The following GRM5 variants were observed in gnomAD, a reference collection of about 807,000 sequenced individuals.
GRM5 encodes the protein glutamate metabotropic receptor 5.
Under a neutral mutation model 83.1 loss-of-function variants are expected in GRM5, and 19 were observed. The observed-to-expected ratio is 0.23, with a 90% CI of 0.16 to 0.34. The LOEUF is 0.34. Among genes scored for constraint, GRM5 ranks in the 10% least tolerant of loss-of-function variants. GRM5 has a pLI of 1.00. For missense variants in GRM5, 1,160 were observed against 1,588.3 expected (o/e 0.73, Z 4.58); for synonymous variants, 675 against 633.6 (o/e 1.07, Z -0.98).
At chr11:88,990,067 C>T (rs1052063494) in intron 2 of GRM5, among the ~76,000 whole-genome samples, 2 of 151,012 alleles carry the variant, frequency 1.3e-5, no homozygotes, top group African/African-American at 4.9e-5. Context: ...ATTAATGAAT[C>T]CAGGAGCTGG....
chr11:89,001,561 G>A (rs1293223777), intron 2 of GRM5, among the ~76,000 whole-genome samples: 1 of 152,116 alleles, frequency 6.6e-6, no homozygotes, highest in Admixed American at 6.6e-5. Flanking sequence ...AGTGGGTAGG[G>A]AAGTGAATGC....
intron 3 of GRM5, among the ~76,000 whole-genome samples, chr11:88,782,470 A>T (rs963973370): frequency 1.3e-4 from 20 of 152,136 alleles, no homozygotes; most frequent in African/African-American, 4.6e-4. Flanking sequence ...CATAGCAAAG[A>T]CCTGCCCTTG....
chr11:88,989,942 A>G (rs1267194711), intron 2 of GRM5, among the ~76,000 whole-genome samples: 1 of 151,716 alleles, frequency 6.6e-6, no homozygotes, highest in Non-Finnish European at 1.5e-5. Context: ...TAACATCACA[A>G]TTAAAAGAAC....
At chr11:88,815,831 T>C (rs2135502701) in intron 3 of GRM5, among the ~76,000 whole-genome samples, 1 of 152,236 alleles carries the variant, frequency 6.6e-6, no homozygotes, top group East Asian at 1.9e-4. Context: ...AACATTGAAA[T>C]CAAATTTCAA....
chr11:88,521,178 G>A (rs1023046094), intron 9 of GRM5, among the ~76,000 whole-genome samples: 1 of 152,146 alleles, frequency 6.6e-6, no homozygotes, highest in East Asian at 1.9e-4. Flanking sequence ...AGCTTTTTGG[G>A]AGGCCTAGGT....
chr11:88,699,616 G>A (rs1435538464), intron 3 of GRM5, among the ~76,000 whole-genome samples: 1 of 152,176 alleles, frequency 6.6e-6, no homozygotes, highest in Non-Finnish European at 1.5e-5. Context: ...ATATGTACAA[G>A]TATAAAAGCT....
At chr11:88,780,723 C>T (rs902626033) in intron 3 of GRM5, among the ~76,000 whole-genome samples, 11 of 152,022 alleles carry the variant, frequency 7.2e-5, no homozygotes, top group African/African-American at 2.7e-4. Flanking sequence ...ATGGGGGTCT[C>T]ACTATGTTGC....
intron 2 of GRM5, among the ~76,000 whole-genome samples, chr11:88,929,954 T>C (rs866420248): frequency 6.6e-6 from 1 of 152,170 alleles, no homozygotes; most frequent in Non-Finnish European, 1.5e-5. Flanking sequence ...TGGATCAGAC[T>C]GGTGTTTCAA....
intron 2 of GRM5, among the ~76,000 whole-genome samples, chr11:88,868,172 A>G (rs1278365556): frequency 2.0e-5 from 3 of 151,848 alleles, no homozygotes; most frequent in African/African-American, 7.2e-5. Context: ...CAGGATAGAC[A>G]CTCAACAAAA....
intron 3 of GRM5, among the ~76,000 whole-genome samples, chr11:88,828,294 G>A (rs1006251745): frequency 7.9e-5 from 12 of 152,102 alleles, no homozygotes; most frequent in East Asian, 3.9e-4. Flanking sequence ...AGATAAACTC[G>A]TATACTTTAG....
At chr11:88,908,511 G>T (rs1273305242) in intron 2 of GRM5, among the ~76,000 whole-genome samples, 1 of 151,930 alleles carries the variant, frequency 6.6e-6, no homozygotes, top group Non-Finnish European at 1.5e-5. Flanking sequence ...ACCCAGATTC[G>T]GTAACTATCT....
chr11:88,836,251 A>G (rs1268792832), intron 3 of GRM5, among the ~76,000 whole-genome samples: 6 of 152,234 alleles, frequency 3.9e-5, no homozygotes, highest in African/African-American at 1.2e-4. Context: ...CAATTCTGCT[A>G]TTATAGCCCC....
rs1221826201 is a variant in GRM5 at position 88,998,198 on chromosome 11, T to C, written c.661+49014A>G. On this transcript the variant is annotated intron_variant, in intron 2 of 9. Transcript: ENST00000305447. ...AAGTTTTTAACAAAATATTATTAGG[T>C]AGAATTCAGCAGTACATAAAAACGA... 1.2e-4 allele frequency among the ~76,000 whole-genome samples: 18 copies of C among 152,178 alleles called. No homozygotes were observed. The Middle Eastern group carries it at 0.014, about 115-fold the overall frequency.
intron 2 of GRM5, among the ~76,000 whole-genome samples, chr11:89,004,146 A>G (rs1940462806): frequency 6.6e-6 from 1 of 150,650 alleles, no homozygotes; most frequent in African/African-American, 2.5e-5. Flanking sequence ...TCGCAAATTA[A>G]TAGGTACTAA....
rs1189844919 is a variant in GRM5 at position 89,047,206 on chromosome 11, A to G, written c.661+6T>C. On this transcript the variant is annotated splice_donor_region_variant and intron_variant, in intron 2 of 9. Transcript: ENST00000305447. The surrounding 1 kb of genome is among the most constrained non-coding windows in gnomAD (Gnocchi z 5.1). ...TATATACTCGATGTATGCAAAGGAA[A>G]CTTACCTTCTGTGTGCACGGCTGAT... is the stretch of plus-strand genomic sequence containing the variant. 6.3e-7 allele frequency: 1 copy of G among 1,594,874 alleles called. No individual in the cohort carries two copies.
intron 2 of GRM5, among the ~76,000 whole-genome samples, chr11:88,928,052 G>A (rs1945818943): frequency 6.6e-6 from 1 of 152,036 alleles, no homozygotes; most frequent in Non-Finnish European, 1.5e-5. Flanking sequence ...AGGGGCTCAT[G>A]AGTAGACCCT....
rs1254340177 is a variant in GRM5 at position 88,776,016 on chromosome 11, ATCTG to A, written c.911+73886_911+73889del. On this transcript the variant is annotated intron_variant, in intron 3 of 9. Transcript: ENST00000305447. ...TCCTTGTTAACCTTCTGTCTTGTTG[ATCTG>A]TCTAATATTGACAGTGGGGTGTTAA... Among the ~76,000 whole-genome samples the A allele has an allele frequency of 1.6e-4, 25 of 152,020 alleles. 1 individual carries two copies. The highest frequency in any genetic ancestry group is 1.3e-4 in the Admixed American group (2 of 15,260).
At chr11:88,972,941 T>C (rs1368965400) in intron 2 of GRM5, among the ~76,000 whole-genome samples, 1 of 152,116 alleles carries the variant, frequency 6.6e-6, no homozygotes, top group African/African-American at 2.4e-5. Flanking sequence ...ATCTTAAATA[T>C]AACAAACATT....
chr11:88,546,634 C>A (rs1397410314), intron 8 of GRM5, among the ~76,000 whole-genome samples: 2 of 151,870 alleles, frequency 1.3e-5, no homozygotes, highest in African/African-American at 2.4e-5. Context: ...TTAATATGGG[C>A]CCTATGTGTT....
Sources: gnomAD v4.1 joint callset for allele counts (sites outside exome capture counted in the v4.1 genomes callset) on GRCh38, gnomAD v4.1.1 for gene constraint, Gnocchi (gnomAD v3.1) non-coding constraint, MANE v1.5 for transcripts, NCBI Gene and HGNC (gene_info 2026-07-23, HGNC 2026-07-21) for gene names.